Variants in KCNG2 observed in about 807,000 individuals in gnomAD.
The protein encoded by KCNG2 is voltage-gated potassium channel regulatory subunit KCNG2.
Under a neutral mutation model 12.3 loss-of-function variants are expected in KCNG2, and 7 were observed. The ratio of observed to expected loss-of-function variants is 0.57; its 90% CI spans 0.32 to 1.07. The LOEUF is 1.07. Ranked by LOEUF, KCNG2 falls within the 50% of genes least tolerant of loss-of-function variation. The pLI is 0.04. For synonymous variants in KCNG2, 414 were observed against 351.4 expected, an observed-to-expected ratio of 1.18 and a Z score of -1.99; for missense variants, 703 against 726.0, an observed-to-expected ratio of 0.97 and a Z score of 0.36.
intron 3 of KCNG2, among the ~76,000 whole-genome samples, chr18:79,868,592 C>T (rs1367008168): frequency 1.3e-5 from 2 of 152,228 alleles, no homozygotes; most frequent in Admixed American, 6.5e-5. Context: ...GTGTTGGTGA[C>T]GTAACAAAAC....
At chr18:79,839,473 A>C in intron 1 of KCNG2, among the ~76,000 whole-genome samples, 1 of 152,218 alleles carries the variant, frequency 6.6e-6, no homozygotes, top group Non-Finnish European at 1.5e-5. Context: ...GCCCAGATCT[A>C]CTGGACCGAT....
rs2087397790 is a variant in KCNG2 at position 79,800,249 on chromosome 18, C to G, written c.-115+2235C>G. On this transcript the variant is annotated intron_variant, in intron 1 of 3. Transcript: ENST00000316249. This position sits in a 1 kb window ranked among gnomAD's most constrained non-coding sequence, Gnocchi z 4.0. ...TGCAGGACGAGGACACGCAGGGCATCCAGGGACGGCCACCTGTGTCTGAGT... is the reference window on the plus strand; with the variant it reads ...TGCAGGACGAGGACACGCAGGGCATGCAGGGACGGCCACCTGTGTCTGAGT... Among the ~76,000 whole-genome samples, 1 of 152,070 alleles carries G rather than the reference C, an allele frequency of 6.6e-6. No homozygotes were observed. The highest frequency in any genetic ancestry group is 2.4e-5 in the African/African-American group (1 of 41,388).
chr18:79,870,190 C>T (rs576435780), intron 3 of KCNG2, among the ~76,000 whole-genome samples: 1 of 152,394 alleles, frequency 6.6e-6, no homozygotes, highest in South Asian at 2.1e-4. Flanking sequence ...AGACGAAGCC[C>T]CCCACGTCGA....
At chr18:79,829,140 GT>G (rs1599376741) in intron 1 of KCNG2, among the ~76,000 whole-genome samples, 17 of 143,042 alleles carry the variant, frequency 1.2e-4, no homozygotes, top group Admixed American at 1.4e-4. Flanking sequence ...GTGTCTGTGT[GT>G]GGGTGTCTAT....
chr18:79,893,362 G>T (rs1031691321), intron 3 of KCNG2, among the ~76,000 whole-genome samples: 1 of 145,116 alleles, frequency 6.9e-6, no homozygotes, highest in African/African-American at 2.5e-5. Context: ...GATTAATATC[G>T]TTGGGTCTGT....
intron 1 of KCNG2, among the ~76,000 whole-genome samples, chr18:79,812,360 C>T (rs11877209): frequency 0.031 from 4,670 of 152,110 alleles, 243 homozygotes; most frequent in African/African-American, 0.11. Context: ...TAATATGTTA[C>T]AAAATTGAAT....
In KCNG2 at chr18:79,833,555, A is replaced by G. The variant is rs558601194; in HGVS notation, c.-114-22824A>G. 1.3e-3 allele frequency among the ~76,000 whole-genome samples: 202 copies of G among 152,362 alleles called. 2 individuals carry two copies. The highest frequency in any genetic ancestry group is 2.5e-3 in the Non-Finnish European group (171 of 68,034). ...TCATGTCTGAGAAGTAAGAAATCAG[A>G]AAGTATAAGTTCATAGAACAAAACC... On this transcript the variant is annotated intron_variant, in intron 1 of 3. Coordinates refer to ENST00000316249, the MANE Select transcript of KCNG2 (RefSeq NM_012283.2).
chr18:79,872,980 C>T (rs934104876), intron 3 of KCNG2, among the ~76,000 whole-genome samples: 1 of 152,122 alleles, frequency 6.6e-6, no homozygotes, highest in Non-Finnish European at 1.5e-5. Context: ...GTGCTGTCCT[C>T]CTCTGATGAC....
Position 79,803,220 on chromosome 18 carries a change from C to T in KCNG2, c.-115+5206C>T, listed in dbSNP as rs2087424806. The stretch of plus-strand genomic sequence containing the variant: ...CACTCATGAGATTGCCTGATCACCT[C>T]TGTAGTCACAGGGCAGGGCCAGCCC... On this transcript the variant is annotated intron_variant, in intron 1 of 3. Transcript: ENST00000316249. This position sits in a 1 kb window ranked among gnomAD's most constrained non-coding sequence, Gnocchi z 4.5. 6.6e-6 allele frequency among the ~76,000 whole-genome samples: 1 copy of T among 152,090 alleles called. No homozygotes were observed. The highest frequency in any genetic ancestry group is 1.5e-5 in the Non-Finnish European group (1 of 68,026).
In KCNG2 at chr18:79,899,699, C is replaced by A; in HGVS notation, c.1284C>A (p.Ala428=). Reference sequence around the variant, plus strand: ...AGCGCGCGGCCAGCCCCGAGCCGGCCCTGCAGGAGGACAGCACGCACTCGG... The same window carrying A: ...AGCGCGCGGCCAGCCCCGAGCCGGCACTGCAGGAGGACAGCACGCACTCGG... ...QQQRAASPEP[A]LQEDSTHSAT... The change falls in exon 4 of 4, where the codon GCC becomes GCA. Residue 428 remains alanine, a synonymous_variant. Coordinates refer to ENST00000316249, the MANE Select transcript of KCNG2 (RefSeq NM_012283.2). The A allele has an allele frequency of 6.2e-7, 1 of 1,607,468 alleles. No homozygotes were observed.
intron 1 of KCNG2, among the ~76,000 whole-genome samples, chr18:79,828,571 CTGTGTGCATGTG>C (rs1285745091): frequency 1.3e-5 from 2 of 150,500 alleles, no homozygotes; most frequent in Non-Finnish European, 3.0e-5. Context: ...GTGTGCATGT[CTGTGTGCATGTG>C]TCTGCATGTG....
At chr18:79,882,204 T>C (rs985849208) in intron 3 of KCNG2, among the ~76,000 whole-genome samples, 6 of 152,234 alleles carry the variant, frequency 3.9e-5, no homozygotes, top group Admixed American at 3.9e-4. Flanking sequence ...TGGATAGGCT[T>C]CACTTCATTA....
intron 1 of KCNG2, among the ~76,000 whole-genome samples, chr18:79,821,229 T>C (rs1202690723): frequency 6.6e-6 from 1 of 152,114 alleles, no homozygotes; most frequent in Non-Finnish European, 1.5e-5. Flanking sequence ...CATGTTTTAT[T>C]CTAAGAGTTT....
chr18:79,858,784 G>C (rs532864532), intron 2 of KCNG2, among the ~76,000 whole-genome samples: 131 of 152,188 alleles, frequency 8.6e-4, no homozygotes, highest in African/African-American at 3.1e-3. Context: ...GATGTGAAGT[G>C]GTATCTTGTA....
intron 3 of KCNG2, among the ~76,000 whole-genome samples, chr18:79,888,789 C>T (rs1391031960): frequency 1.3e-5 from 2 of 152,116 alleles, no homozygotes; most frequent in Non-Finnish European, 2.9e-5. Context: ...ATTCTCGTGC[C>T]TCGGCCTCCC....
At chr18:79,843,293 GA>G (rs1381412263) in intron 1 of KCNG2, among the ~76,000 whole-genome samples, 1 of 152,124 alleles carries the variant, frequency 6.6e-6, no homozygotes, top group Non-Finnish European at 1.5e-5. Context: ...TATTTTCCCG[GA>G]CAAACAAAAG....
intron 2 of KCNG2, among the ~76,000 whole-genome samples, chr18:79,861,041 T>TC (rs1165208228): frequency 6.6e-6 from 1 of 152,206 alleles, no homozygotes; most frequent in Non-Finnish European, 1.5e-5. Flanking sequence ...ATGTTAGACT[T>TC]CGTCAAATCC....
In KCNG2 at chr18:79,884,407, C is replaced by T. The variant is rs1283618811; in HGVS notation, c.625-14633C>T. ...CTGGATTCCCGTCCTCCGGTGAGGG[C>T]GCCTCTGCTCAACCCCGGCCTGGCA... On this transcript the variant is annotated intron_variant, in intron 3 of 3. Transcript: ENST00000316249. The surrounding 1 kb of genome is among the most constrained non-coding windows in gnomAD (Gnocchi z 5.5). Among the ~76,000 whole-genome samples the T allele has an allele frequency of 3.3e-5, 5 of 152,218 alleles. No individual in the cohort carries two copies. The highest frequency in any genetic ancestry group is 1.9e-4 in the East Asian group (1 of 5,184).
chr18:79,826,290 A>G (rs536654), intron 1 of KCNG2, among the ~76,000 whole-genome samples: 33,488 of 152,288 alleles, frequency 0.22, 4,528 homozygotes, highest in Non-Finnish European at 0.32. Flanking sequence ...AGGCAGGCAG[A>G]GCTGCAGGGA....
Sources: allele counts gnomAD v4.1 joint callset (sites outside exome capture counted in the v4.1 genomes callset), GRCh38; gene constraint gnomAD v4.1.1; non-coding constraint Gnocchi (gnomAD v3.1); transcripts MANE v1.5; gene names NCBI Gene and HGNC (gene_info 2026-07-23, HGNC 2026-07-21).